The following TMEM135 variants were observed in gnomAD, a reference collection of about 807,000 sequenced individuals.
TMEM135 encodes the protein transmembrane protein 135.
Under a neutral mutation model 60.3 loss-of-function variants are expected in TMEM135, and 30 were observed. The ratio of observed to expected loss-of-function variants is 0.50; its 90% CI spans 0.37 to 0.68. The LOEUF (loss-of-function observed/expected upper bound fraction) is 0.68, where lower values mean the gene tolerates loss of function less well. TMEM135 is among the 30% of genes least tolerant of loss of function. The probability of loss-of-function intolerance (pLI) is 0.00; values close to 1 mark genes in which losing one functional copy is unlikely to be tolerated. For missense variants in TMEM135, 468 were observed against 548.8 expected, an observed-to-expected ratio of 0.85 and a Z score of 1.47; for synonymous variants, 190 against 186.7, an observed-to-expected ratio of 1.02 and a Z score of -0.14.
chr11:87,278,399 CAG>C (rs1221232478), intron 6 of TMEM135, among the ~76,000 whole-genome samples: 4 of 143,578 alleles, frequency 2.8e-5, no homozygotes, highest in African/African-American at 7.7e-5. Flanking sequence ...TTTTTTGAGA[CAG>C]AGTCTCACTC....
chr11:87,171,876 A>C (rs1473557924), intron 5 of TMEM135, among the ~76,000 whole-genome samples: 1 of 152,094 alleles, frequency 6.6e-6, no homozygotes, highest in African/African-American at 2.4e-5. Flanking sequence ...TCCCATGTGC[A>C]GTTCAAAATA....
At chr11:87,244,948 G>A (rs977368687) in intron 6 of TMEM135, among the ~76,000 whole-genome samples, 2 of 151,596 alleles carry the variant, frequency 1.3e-5, no homozygotes, top group Admixed American at 6.6e-5. Flanking sequence ...ATGTTCGGGT[G>A]TCAATTTTGG....
At chr11:87,143,132 G>A (rs1938311466) in intron 4 of TMEM135, among the ~76,000 whole-genome samples, 1 of 151,794 alleles carries the variant, frequency 6.6e-6, no homozygotes, top group Admixed American at 6.6e-5. Flanking sequence ...TTCAGTGATT[G>A]TACTTTTTTA....
At chr11:87,195,322 C>T (rs1275722485) in intron 5 of TMEM135, among the ~76,000 whole-genome samples, 4 of 13,070 alleles carry the variant, frequency 3.1e-4, no homozygotes, top group East Asian at 1.3e-3. Context: ...TCTTTCCTTC[C>T]TTCCTTCCTT....
Position 87,038,126 on chromosome 11 carries a change from C to T in TMEM135, c.81C>T (p.Phe27=), listed in dbSNP as rs1590970511. Reference sequence around the variant, plus strand: ...GGCACCCTTCCTGCCGGGTCTCCTTCCTGCAGATCACCGGGGGCGCCCTGG... The same window carrying T: ...GGCACCCTTCCTGCCGGGTCTCCTTTCTGCAGATCACCGGGGGCGCCCTGG... ...HTWHPSCRVS[F]LQITGGALEE... is the part of the protein sequence containing the mutation. Residue 27 remains phenylalanine (F), a synonymous_variant, in exon 1 of 15, where the codon TTC becomes TTT. Coordinates refer to ENST00000305494, the MANE Select transcript of TMEM135 (RefSeq NM_022918.4). 5.0e-6 allele frequency: 8 copies of T among 1,614,184 alleles called. No individual in the cohort carries two copies. The East Asian group carries it at 1.6e-4, about 31-fold the overall frequency.
At chr11:87,074,724 G>A (rs1215531258) in intron 3 of TMEM135, among the ~76,000 whole-genome samples, 1 of 152,120 alleles carries the variant, frequency 6.6e-6, no homozygotes, top group Non-Finnish European at 1.5e-5. Flanking sequence ...TAAACATCAT[G>A]CCACTTTACT....
At chr11:87,053,383 C>T (rs1214490213) in intron 1 of TMEM135, among the ~76,000 whole-genome samples, 2 of 151,978 alleles carry the variant, frequency 1.3e-5, no homozygotes, top group African/African-American at 4.8e-5. Flanking sequence ...TTGTATAAAT[C>T]TATCTGTATA....
At chr11:87,118,059 G>C (rs1226318465) in intron 4 of TMEM135, among the ~76,000 whole-genome samples, 1 of 147,774 alleles carries the variant, frequency 6.8e-6, no homozygotes, top group Non-Finnish European at 1.5e-5. Context: ...TGTTGTCAAT[G>C]AGTAGTAATA....
At chr11:87,038,263 G>A in intron 1 of TMEM135, 77 bp downstream of exon 1, 1 of 1,590,304 alleles carries the variant, frequency 6.3e-7, no homozygotes, top group African/African-American at 1.3e-5. Context: ...TGCTCCCGAG[G>A]GGCTCTGGGG....
chr11:87,203,283 T>G (rs1940161673), intron 5 of TMEM135, among the ~76,000 whole-genome samples: 1 of 152,162 alleles, frequency 6.6e-6, no homozygotes, highest in Admixed American at 6.5e-5. Flanking sequence ...GATGAATGTA[T>G]AATGACATGT....
intron 10 of TMEM135, among the ~76,000 whole-genome samples, chr11:87,311,694 G>A (rs1278124961): frequency 1.3e-5 from 2 of 151,890 alleles, no homozygotes; most frequent in Non-Finnish European, 2.9e-5. Flanking sequence ...ATATTCACGT[G>A]GTGTGTTCAA....
At chr11:87,055,816 C>T (rs1949889094) in intron 1 of TMEM135, among the ~76,000 whole-genome samples, 1 of 152,128 alleles carries the variant, frequency 6.6e-6, no homozygotes, top group African/African-American at 2.4e-5. Context: ...TCTCGAACTT[C>T]TGACCTCAAG....
At chr11:87,247,301 G>T (rs1941303607) in intron 6 of TMEM135, among the ~76,000 whole-genome samples, 1 of 152,192 alleles carries the variant, frequency 6.6e-6, no homozygotes, top group Non-Finnish European at 1.5e-5. Context: ...CGGGGGTCAG[G>T]GGTCAGGGAC....
At chr11:87,114,786 C>T (rs947062872) in intron 4 of TMEM135, among the ~76,000 whole-genome samples, 3 of 152,172 alleles carry the variant, frequency 2.0e-5, no homozygotes, top group Non-Finnish European at 1.5e-5. Flanking sequence ...TTGGCACTGC[C>T]TGAGAACTGA....
chr11:87,203,151 A>G (rs575874721), intron 5 of TMEM135, among the ~76,000 whole-genome samples: 1 of 152,106 alleles, frequency 6.6e-6, no homozygotes, highest in Admixed American at 6.5e-5. Context: ...CCCATTATTA[A>G]CATCCCGCAC....
rs757064392 is a variant in TMEM135, at chr11:87,324,394, C to T, written c.*3061C>T. 6.6e-6 allele frequency: 3 copies of T among 453,586 alleles called. No homozygotes were observed. Among genetic ancestry groups the T allele is most frequent in the Admixed American group, 2.4e-5 (1 of 42,484 alleles). 28.1% of individuals were successfully genotyped at this position (453,586 alleles called of 1,614,324 possible). On this transcript the variant is annotated 3_prime_UTR_variant, in exon 15 of 15. Transcript: ENST00000305494. Reference sequence around the variant, plus strand: ...TTTTTGGAGCAGAGAAATTATTAGCCCAGAGATTCCTTAAATTCTCCGTGT... The same window carrying T: ...TTTTTGGAGCAGAGAAATTATTAGCTCAGAGATTCCTTAAATTCTCCGTGT...
intron 3 of TMEM135, among the ~76,000 whole-genome samples, chr11:87,090,049 T>G (rs1308196023): frequency 6.6e-6 from 1 of 152,148 alleles, no homozygotes; most frequent in East Asian, 1.9e-4. Context: ...GTAAGGGCAA[T>G]TGGGTTCTCT....
intron 10 of TMEM135, among the ~76,000 whole-genome samples, chr11:87,313,222 C>A (rs1320664384): frequency 2.6e-5 from 4 of 151,678 alleles, no homozygotes; most frequent in Non-Finnish European, 5.9e-5. Flanking sequence ...TGTGTAATTT[C>A]TTAATAGAGT....
At position 87,037,957 on chromosome 11, in the gene TMEM135, C is replaced by A. The variant is rs758945256; in HGVS notation, c.-89C>A. Reference sequence around the variant, plus strand: ...CCATTCCGCACCTCCGAGTGCTGGCCGGGCGAGAGGCTGGCGGCTGGGCTC... The same window carrying A: ...CCATTCCGCACCTCCGAGTGCTGGCAGGGCGAGAGGCTGGCGGCTGGGCTC... On this transcript the variant is annotated 5_prime_UTR_variant, in exon 1 of 15. Coordinates refer to ENST00000305494, the MANE Select transcript of TMEM135 (RefSeq NM_022918.4). 3 of 1,590,226 alleles carry A rather than the reference C, an allele frequency of 1.9e-6. No homozygotes were observed. Among genetic ancestry groups the A allele is most frequent in the East Asian group, 2.2e-5 (1 of 44,748 alleles).
Sources: allele counts gnomAD v4.1 joint callset (sites outside exome capture counted in the v4.1 genomes callset), GRCh38; gene constraint gnomAD v4.1.1; transcripts MANE v1.5; gene names NCBI Gene and HGNC (gene_info 2026-07-23, HGNC 2026-07-21).